Variants in RSPH6A observed in about 807,000 individuals in gnomAD.
RSPH6A encodes the protein radial spoke head protein 6 homolog A.
Under a neutral mutation model 66.1 loss-of-function variants are expected in RSPH6A, and 49 were observed. The observed-to-expected ratio is 0.74, with a 90% confidence interval of 0.59 to 0.94. The LOEUF (loss-of-function observed/expected upper bound fraction) is 0.94, where lower values mean the gene tolerates loss of function less well. Among genes scored for constraint, RSPH6A ranks in the 40% least tolerant of loss-of-function variants. RSPH6A has a pLI of 0.00. For synonymous variants in RSPH6A, 419 were observed against 402.4 expected, an observed-to-expected ratio of 1.04 and a Z score of -0.49; for missense variants, 977 against 948.3, an observed-to-expected ratio of 1.03 and a Z score of -0.40.
chr19:45,809,687 G>C (rs1482374118), intron 2 of RSPH6A, among the ~76,000 whole-genome samples: 1 of 152,208 alleles, frequency 6.6e-6, no homozygotes, highest in Admixed American at 6.5e-5. Flanking sequence ...GCTGTCAGCA[G>C]TAAACAGGAG....
In RSPH6A at chr19:45,802,919, T is replaced by C. The variant is rs1438129978; in HGVS notation, c.1654-655A>G. Among the ~76,000 whole-genome samples, 4 of 148,004 alleles carry C rather than the reference T, an allele frequency of 2.7e-5. No homozygotes were observed. The East Asian group carries it at 6.8e-4, about 25-fold the overall frequency. The stretch of plus-strand genomic sequence containing the variant: ...GCCTCCTGGGTTCACGCCATTCTCC[T>C]ACCTCAGCCTCCCAAGCAGTGGCTT... On this transcript the variant is annotated intron_variant, in intron 3 of 5. Transcript: ENST00000221538.
intron 1 of RSPH6A, among the ~76,000 whole-genome samples, chr19:45,814,115 C>A (rs960798001): frequency 6.6e-6 from 1 of 152,054 alleles, no homozygotes; most frequent in Non-Finnish European, 1.5e-5. Context: ...GCCAAGACCA[C>A]GCCACTGTGC....
At chr19:45,801,419 C>T (rs1368520171) in intron 4 of RSPH6A, among the ~76,000 whole-genome samples, 9 of 152,182 alleles carry the variant, frequency 5.9e-5, no homozygotes, top group African/African-American at 1.9e-4. Flanking sequence ...CACTTCCCTC[C>T]GGGTGCCTGA....
intron 4 of RSPH6A, 23 bp from the exon 5 acceptor site, chr19:45,800,586 G>C (rs758492103): frequency 6.3e-6 from 10 of 1,593,492 alleles, no homozygotes; most frequent in Admixed American, 1.7e-5. Context: ...GGCAGCAGAG[G>C]GGGGCAGCAG....
intron 1 of RSPH6A, among the ~76,000 whole-genome samples, chr19:45,812,639 GTAGTGACTAGAAA>G (rs1338963860): frequency 6.6e-6 from 1 of 152,074 alleles, no homozygotes; most frequent in Non-Finnish European, 1.5e-5. Context: ...GAAGGAGCAG[GTAGTGACTAGAAA>G]TCAAGTTTGG....
chr19:45,805,023 A>G lies in RSPH6A; in HGVS notation c.889-7T>C, dbSNP rs1181182914. On this transcript the variant is annotated splice_region_variant and splice_polypyrimidine_tract_variant and intron_variant, in intron 2 of 5. Coordinates refer to ENST00000221538, the MANE Select transcript of RSPH6A (RefSeq NM_030785.4). ...TGGGCACTGGTGTCTCCCCCTGCGC[A>G]GGGTAGGGTGGAGGGCAGAGGGGAG... 1.9e-6 allele frequency: 3 copies of G among 1,601,326 alleles called. No homozygotes were observed. In the East Asian group the frequency reaches 6.7e-5, roughly 36 times the overall value.
At chr19:45,798,136 G>A (rs1424305535) in intron 5 of RSPH6A, among the ~76,000 whole-genome samples, 9 of 151,954 alleles carry the variant, frequency 5.9e-5, no homozygotes, top group Admixed American at 3.9e-4. Context: ...TGAGGTGGGT[G>A]GATCACCTGG....
In RSPH6A at chr19:45,795,717, G is replaced by A. The variant is rs142522171; in HGVS notation, c.*152C>T. 2.7e-4 allele frequency: 198 copies of A among 729,858 alleles called. 1 individual carries two copies. The African/African-American group carries it at 2.8e-3, about 10-fold the overall frequency. The allele number at this position is 729,858 out of a possible 1,614,324, so 45.2% of individuals were successfully genotyped here. A position where few individuals can be genotyped will look rare whatever the true frequency, so the allele number is the denominator to read the frequency against. ...GAATGAATGGCTCATCCATAATGCC[G>A]TGGAGGAATTTTATTTGAAGCAGTT... On this transcript the variant is annotated 3_prime_UTR_variant, in exon 6 of 6. Transcript: ENST00000221538.
At position 45,804,022 on chromosome 19, in the gene RSPH6A, G is replaced by T. The variant is rs527559457; in HGVS notation, c.1653+230C>A. ...AAAAAAAAAAGAAAAGAAAAGAAAA[G>T]AAAAAGAAAAAAAAGAAGAAAGAAA... On this transcript the variant is annotated intron_variant, in intron 3 of 5. Transcript: ENST00000221538. This position sits in a 1 kb window ranked among gnomAD's most constrained non-coding sequence, Gnocchi z 5.8. Among the ~76,000 whole-genome samples the T allele has an allele frequency of 6.9e-6, 1 of 144,282 alleles. No homozygotes were observed. The highest frequency in any genetic ancestry group is 1.5e-5 in the Non-Finnish European group (1 of 65,588). The allele number at this position is 144,282 out of a possible 152,430, so 94.7% of individuals were successfully genotyped here. A position where few individuals can be genotyped will look rare whatever the true frequency, so the allele number is the denominator to read the frequency against.
chr19:45,799,110 A>G (rs1377785484), intron 5 of RSPH6A, among the ~76,000 whole-genome samples: 1 of 152,258 alleles, frequency 6.6e-6, no homozygotes, highest in East Asian at 1.9e-4. Flanking sequence ...TCCAGATTAC[A>G]TGCAATCCCA....
intron 5 of RSPH6A, among the ~76,000 whole-genome samples, chr19:45,799,272 A>C (rs1361407566): frequency 7.4e-6 from 1 of 135,272 alleles, no homozygotes; most frequent in African/African-American, 2.7e-5. Context: ...GCAGCAGGGC[A>C]GAGGGCTGCC....
intron 5 of RSPH6A, among the ~76,000 whole-genome samples, chr19:45,798,808 C>A (rs1970435978): frequency 6.7e-6 from 1 of 148,824 alleles, no homozygotes; most frequent in Non-Finnish European, 1.5e-5. Context: ...CACTGCACTC[C>A]AGCCTGGGCA....
chr19:45,814,548 C>A lies in RSPH6A; in HGVS notation c.629G>T (p.Ser210Ile), dbSNP rs1306269398. ...TCACAGGCTGAGGTCGCAATTGATG[C>A]TGGTCTGCAGCAGGTAGGCCTTGGC... Reference protein sequence around the residue: ...QNAKAYLLQTSINCDLSLYEH... With the variant: ...QNAKAYLLQTIINCDLSLYEH... Residue 210 changes from serine to isoleucine, a missense_variant, in exon 1 of 6, where the codon AGC becomes ATC. Ser to Ile is a moderately radical substitution (Grantham distance 142). Coordinates refer to ENST00000221538, the MANE Select transcript of RSPH6A (RefSeq NM_030785.4). 2.0e-6 allele frequency: 3 copies of A among 1,511,808 alleles called. No individual in the cohort carries two copies. The highest frequency in any genetic ancestry group is 2.7e-5 in the South Asian group (2 of 74,862). 93.6% of individuals were successfully genotyped at this position (1,511,808 alleles called of 1,614,324 possible). A position where few individuals can be genotyped will look rare whatever the true frequency, so the allele number is the denominator to read the frequency against.
rs1259321714 is a variant in RSPH6A, at chr19:45,804,434, C to T, written c.1471G>A (p.Ala491Thr). 2.2e-5 allele frequency: 36 copies of T among 1,614,004 alleles called. No individual in the cohort carries two copies. The highest frequency in any genetic ancestry group is 5.5e-5 in the South Asian group (5 of 91,074). ...AAGCCCAGCGGGCTGACCTGCGTGG[C>T]GGCCGAGATGCGGGCTATCTGGGCC... is the stretch of plus-strand genomic sequence containing the variant. ...LRAQIARISA[A>T]TQVSPLGFYQ... Residue 491 changes from alanine to threonine, a missense_variant, in exon 3 of 6, where the codon GCC becomes ACC. Coordinates refer to ENST00000221538, the MANE Select transcript of RSPH6A (RefSeq NM_030785.4). This position sits in a 1 kb window ranked among gnomAD's most constrained non-coding sequence, Gnocchi z 5.8.
chr19:45,815,011 CA>C lies in RSPH6A; in HGVS notation c.165del (p.Gly56ValfsTer15), dbSNP rs1568603090. The C allele has an allele frequency of 7.4e-6, 12 of 1,613,684 alleles. No homozygotes were observed. The highest frequency in any genetic ancestry group is 1.0e-5 in the Non-Finnish European group (12 of 1,180,038). ...QIPPDAQRNA[P>X]GWSQRGSLSQ... Reference sequence around the variant, plus strand: ...GACAGGCTGCCCCTCTGTGACCAACCAGGGGCGTTTCGCTGGGCGTCTGGAG... The same window carrying C: ...GACAGGCTGCCCCTCTGTGACCAACCGGGGCGTTTCGCTGGGCGTCTGGAG... On this transcript the variant is annotated frameshift_variant, in exon 1 of 6. Transcript: ENST00000221538. LOFTEE classifies it high-confidence loss of function.
intron 5 of RSPH6A, among the ~76,000 whole-genome samples, chr19:45,798,299 C>T (rs1008646946): frequency 6.6e-6 from 1 of 151,738 alleles, no homozygotes; most frequent in Non-Finnish European, 1.5e-5. Context: ...GCGGAGGATG[C>T]AGTGAGTTGA....
In RSPH6A at chr19:45,795,794, T is replaced by C; in HGVS notation, c.*75A>G. 7.6e-7 allele frequency: 1 copy of C among 1,322,962 alleles called. No individual in the cohort carries two copies. Among genetic ancestry groups the C allele is most frequent in the South Asian group, 1.4e-5 (1 of 73,916 alleles). 82.0% of individuals were successfully genotyped at this position (1,322,962 alleles called of 1,614,324 possible). A position where few individuals can be genotyped will look rare whatever the true frequency, so the allele number is the denominator to read the frequency against. On this transcript the variant is annotated 3_prime_UTR_variant, in exon 6 of 6. Coordinates refer to ENST00000221538, the MANE Select transcript of RSPH6A (RefSeq NM_030785.4). ...GGGGACAGGAAGCACATAGTGAAAA[T>C]ATAATCCATGCTAACTACCTCTAAG...
rs755001934 is a variant in RSPH6A, at chr19:45,804,351, GTCGCGC to G, written c.1548_1553del (p.Arg517_Asp518del). ...CGAAGTCCGGGTTCTCCTCGTAGGA[GTCGCGC>G]CCAGCACCACCTTCCTCCTCCTCGT... On this transcript the variant is annotated inframe_deletion, in exon 3 of 6. Transcript: ENST00000221538. This position sits in a 1 kb window ranked among gnomAD's most constrained non-coding sequence, Gnocchi z 5.8. 1.2e-5 allele frequency: 19 copies of G among 1,614,120 alleles called. No homozygotes were observed. Among genetic ancestry groups the G allele is most frequent in the Non-Finnish European group, 1.4e-5 (16 of 1,180,058 alleles).
rs546063722 is a variant in RSPH6A, at chr19:45,813,565, G to A, written c.650+962C>T. Among the ~76,000 whole-genome samples, 643 of 151,366 alleles carry A rather than the reference G, an allele frequency of 4.2e-3. 3 individuals are homozygous for A. Among genetic ancestry groups the A allele is most frequent in the Middle Eastern group, 0.025 (7 of 280 alleles). On this transcript the variant is annotated intron_variant, in intron 1 of 5. Coordinates refer to ENST00000221538, the MANE Select transcript of RSPH6A (RefSeq NM_030785.4). ...TCGCCATGTTGGCAAGGCTGGTCTC[G>A]AACTCCTGACCTCAGGTGATCCGCC... is the stretch of plus-strand genomic sequence containing the variant.
Sources: gnomAD v4.1 joint callset for allele counts (sites outside exome capture counted in the v4.1 genomes callset) on GRCh38, gnomAD v4.1.1 for gene constraint, Gnocchi (gnomAD v3.1) non-coding constraint, MANE v1.5 for transcripts, NCBI Gene and HGNC (gene_info 2026-07-23, HGNC 2026-07-21) for gene names.